The following SATB2 variants were observed in gnomAD, a reference collection of about 807,000 sequenced individuals.
SATB2 encodes the protein SATB homeobox 2.
SATB2 carries 1 observed loss-of-function variant against 73.4 expected under a neutral mutation model. That is an observed-to-expected ratio of 0.01 (90% confidence interval 0.00 to 0.06). SATB2 has a LOEUF of 0.06. SATB2 is among the 10% of genes least tolerant of loss of function. The pLI, the probability that SATB2 is intolerant of heterozygous loss-of-function variation, is 1.00. For synonymous variants in SATB2, 397 were observed against 367.0 expected, an observed-to-expected ratio of 1.08 and a Z score of -0.93; for missense variants, 459 against 945.8, an observed-to-expected ratio of 0.49 and a Z score of 6.75.
chr2:199,384,417 G>A (rs1689868674), intron 3 of SATB2, among the ~76,000 whole-genome samples: 1 of 152,202 alleles, frequency 6.6e-6, no homozygotes, highest in Non-Finnish European at 1.5e-5. Flanking sequence ...GGAGAGCTAT[G>A]GCCAGAAGCC....
At chr2:199,424,202 A>C (rs1230562845) in intron 3 of SATB2, among the ~76,000 whole-genome samples, 2 of 152,058 alleles carry the variant, frequency 1.3e-5, no homozygotes, top group African/African-American at 4.8e-5. Flanking sequence ...CCTTGACTTA[A>C]GACCCTTTAC....
Position 199,349,021 on chromosome 2 carries a change from G to C in SATB2, c.853C>G (p.Gln285Glu). 6.2e-7 allele frequency: 1 copy of C among 1,614,138 alleles called. No individual in the cohort carries two copies. Among genetic ancestry groups the C allele is most frequent in the Non-Finnish European group, 8.5e-7 (1 of 1,179,988 alleles). ...QIHHSTPIRNQVPALQPIMSP... is the reference protein window; with the variant it reads ...QIHHSTPIRNEVPALQPIMSP... ...ATGATGGGCTGTAATGCGGGCACTT[G>C]GTTTCGGATTGGAGTACTGTGGTGA... Residue 285 changes from glutamine to glutamate, a missense_variant, in exon 7 of 11, where the codon CAA becomes GAA. Coordinates refer to ENST00000417098, the MANE Select transcript of SATB2 (RefSeq NM_001172509.2).
Position 199,463,106 on chromosome 2 carries a change from G to C in SATB2, c.-141+1730C>G, listed in dbSNP as rs1046799699. Reference sequence around the variant, plus strand: ...TTCGGCGGCCGCGGGCCGGGGGACCGGGGAAGACGGAGGGTCCTGCGGCCT... The same window carrying C: ...TTCGGCGGCCGCGGGCCGGGGGACCCGGGAAGACGGAGGGTCCTGCGGCCT... On this transcript the variant is annotated intron_variant, in intron 1 of 11. Transcript: ENST00000260926. The surrounding 1 kb of genome is among the most constrained non-coding windows in gnomAD (Gnocchi z 6.4). Among the ~76,000 whole-genome samples the C allele has an allele frequency of 6.6e-6, 1 of 152,058 alleles. No individual in the cohort carries two copies. The highest frequency in any genetic ancestry group is 1.5e-5 in the Non-Finnish European group (1 of 67,974).
intron 9 of SATB2, among the ~76,000 whole-genome samples, chr2:199,322,462 A>G (rs1223851950): frequency 1.3e-5 from 2 of 152,174 alleles, no homozygotes; most frequent in Non-Finnish European, 2.9e-5. Flanking sequence ...AGAAGGCTCT[A>G]TGGTATTTTC....
chr2:199,283,737 T>C lies in SATB2; in HGVS notation c.1741-11065A>G, dbSNP rs565371884. On this transcript the variant is annotated intron_variant, in intron 10 of 10. Coordinates refer to ENST00000417098, the MANE Select transcript of SATB2 (RefSeq NM_001172509.2). ...CACTGCCACACGCTCATGGCAAAAA[T>C]GATGCCACTTTCATTTAAGAGCATC... is the stretch of plus-strand genomic sequence containing the variant. Among the ~76,000 whole-genome samples the C allele has an allele frequency of 7.2e-5, 11 of 152,068 alleles. 1 individual carries two copies. Among genetic ancestry groups the C allele is most frequent in the African/African-American group, 2.4e-4 (10 of 41,530 alleles).
At chr2:199,297,126 T>C (rs1322057595) in intron 10 of SATB2, among the ~76,000 whole-genome samples, 2 of 152,244 alleles carry the variant, frequency 1.3e-5, no homozygotes, top group African/African-American at 4.8e-5. Flanking sequence ...GATACGATTT[T>C]TTAAAATTAA....
intron 10 of SATB2, among the ~76,000 whole-genome samples, chr2:199,297,116 G>A (rs1687131450): frequency 6.6e-6 from 1 of 152,154 alleles, no homozygotes; most frequent in Admixed American, 6.5e-5. Flanking sequence ...ATATAAGAAA[G>A]ATACGATTTT....
intron 2 of SATB2, among the ~76,000 whole-genome samples, chr2:199,441,592 GACAATAAGA>G (rs1691817382): frequency 6.6e-6 from 1 of 152,096 alleles, no homozygotes; most frequent in Non-Finnish European, 1.5e-5. Context: ...CTTAACTTTG[GACAATAAGA>G]ACAAAAATAG....
chr2:199,377,707 G>A (rs1445331971), intron 5 of SATB2, among the ~76,000 whole-genome samples: 1 of 152,042 alleles, frequency 6.6e-6, no homozygotes, highest in Admixed American at 6.6e-5. Flanking sequence ...AGTGACTGAG[G>A]AATTATAAAC....
intron 10 of SATB2, among the ~76,000 whole-genome samples, chr2:199,297,524 A>G (rs965766951): frequency 6.6e-6 from 1 of 152,176 alleles, no homozygotes; most frequent in Non-Finnish European, 1.5e-5. Flanking sequence ...GTCACTTCAT[A>G]TCCTAATTCA....
At chr2:199,352,169 T>C (rs1688837947) in intron 6 of SATB2, among the ~76,000 whole-genome samples, 1 of 152,224 alleles carries the variant, frequency 6.6e-6, no homozygotes, top group African/African-American at 2.4e-5. Flanking sequence ...CCACTGTACC[T>C]GGCCATCTAT....
At chr2:199,298,635 G>A (rs1687188351) in intron 10 of SATB2, among the ~76,000 whole-genome samples, 1 of 151,992 alleles carries the variant, frequency 6.6e-6, no homozygotes, top group Admixed American at 6.6e-5. Context: ...AACGCAACTG[G>A]GATTGAGCTT....
chr2:199,293,375 T>G (rs1404738754), intron 10 of SATB2, among the ~76,000 whole-genome samples: 4 of 152,142 alleles, frequency 2.6e-5, no homozygotes, highest in African/African-American at 9.7e-5. Flanking sequence ...ATAACTTTCC[T>G]TAATCAAAAA....
intron 2 of SATB2, among the ~76,000 whole-genome samples, chr2:199,440,011 C>T (rs926189563): frequency 1.3e-5 from 2 of 152,058 alleles, no homozygotes; most frequent in Non-Finnish European, 2.9e-5. Context: ...AGGCTGAGGG[C>T]AGGAGAATGG....
At chr2:199,297,437 C>T (rs924271887) in intron 10 of SATB2, among the ~76,000 whole-genome samples, 3 of 152,096 alleles carry the variant, frequency 2.0e-5, no homozygotes, top group Non-Finnish European at 2.9e-5. Flanking sequence ...GAAAATAGGC[C>T]ATTAGTATTC....
In SATB2 at chr2:199,349,026, C is replaced by T. The variant is rs754582487; in HGVS notation, c.848G>A (p.Arg283Gln). The T allele has an allele frequency of 1.9e-6, 3 of 1,613,932 alleles. No individual in the cohort carries two copies. The highest frequency in any genetic ancestry group is 1.3e-5 in the African/African-American group (1 of 74,896). Residue 283 changes from arginine (R) to glutamine (Q), a missense_variant, in exon 7 of 11, where the codon CGA becomes CAA. Transcript: ENST00000417098. ...HSQIHHSTPIRNQVPALQPIM... is the reference protein window; with the variant it reads ...HSQIHHSTPIQNQVPALQPIM... ...GGGCTGTAATGCGGGCACTTGGTTTCGGATTGGAGTACTGTGGTGAATTTG... is the reference window on the plus strand; with the variant it reads ...GGGCTGTAATGCGGGCACTTGGTTTTGGATTGGAGTACTGTGGTGAATTTG...
At chr2:199,356,225 C>CAAAAAAAAAAAAAA (rs200509001) in intron 6 of SATB2, among the ~76,000 whole-genome samples, 51 of 100,916 alleles carry the variant, frequency 5.1e-4, no homozygotes, top group East Asian at 2.0e-3. Flanking sequence ...GAACATAAGC[C>CAAAAAAAAAAAAAA]AAAAAAAAAA....
chr2:199,403,414 GAAAGA>G (rs993695506), intron 3 of SATB2, among the ~76,000 whole-genome samples: 15 of 152,154 alleles, frequency 9.9e-5, no homozygotes, highest in African/African-American at 3.6e-4. Context: ...TATAAGGAAA[GAAAGA>G]AAAGAGACTA....
rs546280121 is a variant in SATB2, at chr2:199,292,133, G to A, written c.1740+16627C>T. ...AAGGCAAAATTTACCACACATAGTG[G>A]AGCAATGGGTATTAAATAATCATCT... is the stretch of plus-strand genomic sequence containing the variant. On this transcript the variant is annotated intron_variant, in intron 10 of 10. Transcript: ENST00000417098. Among the ~76,000 whole-genome samples, 11 of 152,094 alleles carry A rather than the reference G, an allele frequency of 7.2e-5. No individual in the cohort carries two copies. In the East Asian group the frequency reaches 1.7e-3, roughly 24 times the overall value.
Sources: gnomAD v4.1 joint callset for allele counts (sites outside exome capture counted in the v4.1 genomes callset) on GRCh38, gnomAD v4.1.1 for gene constraint, Gnocchi (gnomAD v3.1) non-coding constraint, MANE v1.5 for transcripts, NCBI Gene and HGNC (gene_info 2026-07-23, HGNC 2026-07-21) for gene names.